Variants in ARHGAP42 observed in about 807,000 individuals in gnomAD.
ARHGAP42 encodes the protein Rho GTPase activating protein 42, also known as rho GTPase-activating protein 42.
A neutral mutation model predicts 125.0 loss-of-function variants in ARHGAP42; 63 were observed. The ratio of observed to expected loss-of-function variants is 0.50; its 90% CI spans 0.41 to 0.62. The LOEUF is 0.62. Among genes scored for constraint, ARHGAP42 ranks in the 20% least tolerant of loss-of-function variants. The pLI, the probability that ARHGAP42 is intolerant of heterozygous loss-of-function variation, is 0.00. For missense variants in ARHGAP42, 766 were observed against 1,024.2 expected, an observed-to-expected ratio of 0.75 and a Z score of 3.44; for synonymous variants, 339 against 351.0, an observed-to-expected ratio of 0.97 and a Z score of 0.38.
intron 4 of ARHGAP42, among the ~76,000 whole-genome samples, chr11:100,888,247 A>G (rs1565260362): frequency 1.3e-5 from 2 of 151,700 alleles, no homozygotes; most frequent in Non-Finnish European, 2.9e-5. Flanking sequence ...AAAAAAAAAA[A>G]GCTTTTCCAT....
intron 1 of ARHGAP42, among the ~76,000 whole-genome samples, chr11:100,742,367 T>C (rs1403775096): frequency 2.0e-5 from 3 of 152,166 alleles, no homozygotes; most frequent in Admixed American, 6.5e-5. Context: ...CTAATTGATT[T>C]TCCTTGAGGA....
chr11:100,986,834 T>G (rs1278604080), intron 22 of ARHGAP42, among the ~76,000 whole-genome samples: 1 of 151,886 alleles, frequency 6.6e-6, no homozygotes, highest in Non-Finnish European at 1.5e-5. Context: ...AACTCCTAAA[T>G]TCTGACTTCA....
chr11:100,889,514 TA>T (rs200658173), intron 4 of ARHGAP42, among the ~76,000 whole-genome samples: 2,824 of 152,246 alleles, frequency 0.019, 92 homozygotes, highest in African/African-American at 0.064. Context: ...AGAACTGTAA[TA>T]AATAAACTTC....
Position 100,976,920 on chromosome 11 carries a change from G to A in ARHGAP42, c.2342G>A (p.Arg781Lys), listed in dbSNP as rs1858407785. ...NPDLPPKMCRRLRLDTASSNG... is the reference protein window; with the variant it reads ...NPDLPPKMCRKLRLDTASSNG... ...GACCTGCCTCCGAAAATGTGCAGGAGATTAAGACTAGACACTGCCTCAAGC... is the reference window on the plus strand; with the variant it reads ...GACCTGCCTCCGAAAATGTGCAGGAAATTAAGACTAGACACTGCCTCAAGC... Residue 781 changes from arginine to lysine, a missense_variant, in exon 21 of 24, where the codon AGA (arginine) becomes AAA (lysine). Physicochemically the swap from Arg to Lys is conservative, Grantham distance 26. Transcript: ENST00000298815. 5.2e-6 allele frequency: 8 copies of A among 1,551,392 alleles called. No individual in the cohort carries two copies. The highest frequency in any genetic ancestry group is 4.8e-5 in the South Asian group (4 of 84,064).
intron 1 of ARHGAP42, among the ~76,000 whole-genome samples, chr11:100,749,669 C>T (rs145353376): frequency 1.9e-3 from 289 of 152,248 alleles, no homozygotes; most frequent in Non-Finnish European, 2.5e-3. Context: ...ATAGGCGTAC[C>T]GATATAACTT....
At chr11:100,909,751 T>C (rs1433431466) in intron 4 of ARHGAP42, among the ~76,000 whole-genome samples, 1 of 152,222 alleles carries the variant, frequency 6.6e-6, no homozygotes, top group Admixed American at 6.5e-5. Context: ...TGCATATGGC[T>C]GTCCAATTTT....
At position 100,918,533 on chromosome 11, in the gene ARHGAP42, G is replaced by A. The variant is rs1048192146; in HGVS notation, c.487-2961G>A. On this transcript the variant is annotated intron_variant, in intron 5 of 23. Transcript: ENST00000298815. ...TTAAAATTATCTCATTTCGATTGAT[G>A]AATCCTAGTGTTACTCTACTTATCC... Among the ~76,000 whole-genome samples, 21 of 152,264 alleles carry A rather than the reference G, an allele frequency of 1.4e-4. No individual in the cohort carries two copies. The East Asian group carries it at 2.3e-3, about 17-fold the overall frequency.
intron 4 of ARHGAP42, among the ~76,000 whole-genome samples, chr11:100,865,191 C>T (rs909435310): frequency 6.6e-6 from 1 of 152,106 alleles, no homozygotes; most frequent in Non-Finnish European, 1.5e-5. Flanking sequence ...GTAGAGTTTG[C>T]TTCTGTCTCT....
chr11:100,891,008 G>A (rs1866204447), intron 4 of ARHGAP42, among the ~76,000 whole-genome samples: 1 of 152,206 alleles, frequency 6.6e-6, no homozygotes, highest in Non-Finnish European at 1.5e-5. Flanking sequence ...TCTTGAGGCA[G>A]ATGAGTCAGA....
chr11:100,840,887 G>C (rs1474467632), intron 3 of ARHGAP42, among the ~76,000 whole-genome samples: 1 of 152,142 alleles, frequency 6.6e-6, no homozygotes, highest in African/African-American at 2.4e-5. Flanking sequence ...CACTATGTTA[G>C]TGCTGAGTCT....
chr11:100,793,393 C>G (rs1442953034), intron 2 of ARHGAP42, among the ~76,000 whole-genome samples: 3 of 152,140 alleles, frequency 2.0e-5, no homozygotes, highest in African/African-American at 7.2e-5. Flanking sequence ...GAAGAGATCT[C>G]TTTTATCCAA....
intron 4 of ARHGAP42, among the ~76,000 whole-genome samples, chr11:100,891,087 T>G (rs948432796): frequency 3.3e-5 from 5 of 152,124 alleles, no homozygotes; most frequent in African/African-American, 1.2e-4. Context: ...GAGTAGATGG[T>G]TTTTCTGAGG....
intron 17 of ARHGAP42, among the ~76,000 whole-genome samples, chr11:100,968,617 A>G (rs1489032350): frequency 6.6e-6 from 1 of 152,138 alleles, no homozygotes; most frequent in Non-Finnish European, 1.5e-5. Context: ...AGTTGAGGGA[A>G]AAGGAGTAAG....
chr11:100,910,016 T>C (rs867855273), intron 4 of ARHGAP42, among the ~76,000 whole-genome samples: 1 of 152,228 alleles, frequency 6.6e-6, no homozygotes, highest in Non-Finnish European at 1.5e-5. Flanking sequence ...ACATGTGGCA[T>C]GACCATGGTT....
intron 1 of ARHGAP42, among the ~76,000 whole-genome samples, chr11:100,712,397 TG>T (rs1477031550): frequency 6.6e-6 from 1 of 152,176 alleles, no homozygotes; most frequent in Admixed American, 6.5e-5. Context: ...AGTACAGAAT[TG>T]TTACATGCTA....
At chr11:100,961,951 T>C (rs975272114) in intron 15 of ARHGAP42, among the ~76,000 whole-genome samples, 183 bp downstream of exon 15, 19 of 152,176 alleles carry the variant, frequency 1.2e-4, no homozygotes. Flanking sequence ...TTGTACTTGA[T>C]TTTTTCAATA....
chr11:100,720,730 C>T (rs1861744794), intron 1 of ARHGAP42, among the ~76,000 whole-genome samples: 1 of 151,946 alleles, frequency 6.6e-6, no homozygotes, highest in South Asian at 2.1e-4. Flanking sequence ...TCATTGAACA[C>T]ATATTGCTTT....
At chr11:100,904,746 G>C (rs538371398) in intron 4 of ARHGAP42, among the ~76,000 whole-genome samples, 1 of 152,262 alleles carries the variant, frequency 6.6e-6, no homozygotes, top group Non-Finnish European at 1.5e-5. Context: ...CTGGGAACCA[G>C]ATAGATTTAA....
intron 16 of ARHGAP42, among the ~76,000 whole-genome samples, chr11:100,964,721 G>A (rs192868386): frequency 5.3e-5 from 8 of 152,312 alleles, no homozygotes; most frequent in East Asian, 1.9e-4. Flanking sequence ...GACGACACTT[G>A]CCATAAATGA....
Sources: allele counts gnomAD v4.1 joint callset (sites outside exome capture counted in the v4.1 genomes callset), GRCh38; gene constraint gnomAD v4.1.1; transcripts MANE v1.5; gene names NCBI Gene and HGNC (gene_info 2026-07-23, HGNC 2026-07-21).